The following CDHR2 variants were observed in gnomAD, a reference collection of about 807,000 sequenced individuals.
CDHR2 encodes the protein cadherin-related family member 2.
In CDHR2, 104 loss-of-function variants were observed where a neutral mutation model predicts 138.6. The ratio of observed to expected loss-of-function variants is 0.75; its 90% CI spans 0.64 to 0.88. The LOEUF (loss-of-function observed/expected upper bound fraction) is 0.88, where lower values mean the gene tolerates loss of function less well. CDHR2 is among the 40% of genes least tolerant of loss of function. The pLI, the probability that CDHR2 is intolerant of heterozygous loss-of-function variation, is 0.00. For missense variants in CDHR2, 1,624 were observed against 1,727.6 expected, an observed-to-expected ratio of 0.94 and a Z score of 1.06; for synonymous variants, 755 against 742.8, an observed-to-expected ratio of 1.02 and a Z score of -0.27.
intron 1 of CDHR2, among the ~76,000 whole-genome samples, chr5:176,549,895 AAG>A (rs1194080493): frequency 6.6e-6 from 1 of 152,162 alleles, no homozygotes; most frequent in Non-Finnish European, 1.5e-5. Context: ...GAGTTCCAGA[AAG>A]GGCCTGAAAA....
At chr5:176,571,465 C>A (rs113812214) in intron 6 of CDHR2, among the ~76,000 whole-genome samples, 163 bp downstream of exon 6, 1 of 151,328 alleles carries the variant, frequency 6.6e-6, no homozygotes, top group African/African-American at 2.4e-5. Flanking sequence ...ACCCCACAAA[C>A]TGGTTACAGC....
intron 3 of CDHR2, among the ~76,000 whole-genome samples, chr5:176,566,211 A>G (rs1758075603): frequency 6.6e-6 from 1 of 151,774 alleles, no homozygotes; most frequent in Non-Finnish European, 1.5e-5. Flanking sequence ...GGCAGGTGAG[A>G]TGGGTTTTGA....
In CDHR2 at chr5:176,576,649, C is replaced by T. The variant is rs1434910145; in HGVS notation, c.1194+464C>T. Among the ~76,000 whole-genome samples, 2 of 151,508 alleles carry T rather than the reference C, an allele frequency of 1.3e-5. No individual in the cohort carries two copies. Among genetic ancestry groups the T allele is most frequent in the Non-Finnish European group, 1.5e-5 (1 of 67,846 alleles). On this transcript the variant is annotated intron_variant, in intron 12 of 31. Coordinates refer to ENST00000261944, the MANE Select transcript of CDHR2 (RefSeq NM_017675.6). The surrounding 1 kb of genome is among the most constrained non-coding windows in gnomAD (Gnocchi z 4.5). The stretch of plus-strand genomic sequence containing the variant: ...TGGAGTGCAATGGCCCAATCTTGGC[C>T]CACTGCAACCTCTGCCTCCCAGGTG...
intron 1 of CDHR2, among the ~76,000 whole-genome samples, chr5:176,551,065 A>G (rs556822830): frequency 2.0e-5 from 3 of 152,250 alleles, no homozygotes; most frequent in East Asian, 3.9e-4. Context: ...GCTGGAGTGC[A>G]AGGCGCTATC....
At chr5:176,556,116 TG>T (rs1323157474) in intron 1 of CDHR2, among the ~76,000 whole-genome samples, 2 of 152,228 alleles carry the variant, frequency 1.3e-5, no homozygotes, top group African/African-American at 4.8e-5. Flanking sequence ...GGTTCTTCCC[TG>T]GCCCAGGCCA....
At position 176,578,054 on chromosome 5, in the gene CDHR2, C is replaced by A; in HGVS notation, c.1533C>A (p.Gly511=). ...CACAGGCCACGGACCCAGACACGGG[C>A]GCGTGGGGCCAAATTACCTACAGCC... The part of the protein sequence containing the change: ...DSIHATDPDT[G]AWGQITYSLL... The change falls in exon 15 of 32, where the codon GGC becomes GGA. Residue 511 remains glycine (G), a synonymous_variant. Transcript: ENST00000261944. 1 of 1,612,504 alleles carries A rather than the reference C, an allele frequency of 6.2e-7. No homozygotes were observed. Among genetic ancestry groups the A allele is most frequent in the Non-Finnish European group, 8.5e-7 (1 of 1,178,832 alleles).
chr5:176,558,087 T>C (rs1483599429), intron 1 of CDHR2, among the ~76,000 whole-genome samples: 1 of 152,050 alleles, frequency 6.6e-6, no homozygotes, highest in East Asian at 1.9e-4. Context: ...CATGGTAAGG[T>C]TGTAGTCCAT....
intron 28 of CDHR2, 105 bp downstream of exon 28, chr5:176,590,792 A>G (rs1758825990): frequency 5.5e-6 from 8 of 1,454,118 alleles, no homozygotes; most frequent in Non-Finnish European, 4.7e-6. Context: ...ACAGGTATAC[A>G]TGCATTCACT....
At chr5:176,570,216 G>A (rs866017635) in intron 5 of CDHR2, among the ~76,000 whole-genome samples, 4 of 152,176 alleles carry the variant, frequency 2.6e-5, no homozygotes, top group African/African-American at 7.2e-5. Flanking sequence ...TTTTTGTAAC[G>A]TCTATATCTA....
chr5:176,581,520 C>T lies in CDHR2; in HGVS notation c.1996C>T (p.Leu666Phe), dbSNP rs1758529949. 3.1e-6 allele frequency: 5 copies of T among 1,614,064 alleles called. No homozygotes were observed. Among genetic ancestry groups the T allele is most frequent in the African/African-American group, 1.3e-5 (1 of 74,954 alleles). ...ALEGRIVLTV[L>F]VSDCGEPVLG... Reference sequence around the variant, plus strand: ...GGAGGGCCGCATTGTGCTGACAGTGCTTGTGTCTGACTGCGGCGAGCCTGT... The same window carrying T: ...GGAGGGCCGCATTGTGCTGACAGTGTTTGTGTCTGACTGCGGCGAGCCTGT... Residue 666 changes from leucine (L) to phenylalanine (F), a missense_variant, in exon 17 of 32, where the codon CTT (leucine) becomes TTT (phenylalanine). Physicochemically the swap from Leu to Phe is conservative, Grantham distance 22 (BLOSUM62 0). Around this residue, in one of 3 missense-constraint regions of CDHR2, gnomAD observed 1,061 missense variants for 1,136.6 expected, o/e 0.93. Transcript: ENST00000261944.
Position 176,589,451 on chromosome 5 carries a change from C to T in CDHR2, c.3117+13C>T. 6.2e-7 allele frequency: 1 copy of T among 1,606,838 alleles called. No individual in the cohort carries two copies. Among genetic ancestry groups the T allele is most frequent in the Non-Finnish European group, 8.5e-7 (1 of 1,174,386 alleles). ...CACCACCCTGAATGTGAGTGCTGGT[C>T]CCACCTCCAGCCCCCAACGCCCTCT... On this transcript the variant is annotated intron_variant, in intron 23 of 31. Coordinates refer to ENST00000261944, the MANE Select transcript of CDHR2 (RefSeq NM_017675.6).
rs187220672 is a variant in CDHR2 at position 176,586,030 on chromosome 5, G to A, written c.2806+5G>A. On this transcript the variant is annotated splice_donor_5th_base_variant and intron_variant, in intron 20 of 31. Coordinates refer to ENST00000261944, the MANE Select transcript of CDHR2 (RefSeq NM_017675.6). ...TGCCTGAGAATAAGACTTTTGGTAA[G>A]CAGCAACCCCATTCACACACCATAC... The A allele has an allele frequency of 2.0e-4, 319 of 1,612,830 alleles. No individual in the cohort carries two copies. The highest frequency in any genetic ancestry group is 2.6e-4 in the Non-Finnish European group (301 of 1,178,882).
intron 1 of CDHR2, among the ~76,000 whole-genome samples, chr5:176,559,194 G>A (rs1262162136): frequency 1.3e-5 from 2 of 152,156 alleles, no homozygotes; most frequent in Non-Finnish European, 2.9e-5. Flanking sequence ...TTTCTGCCAC[G>A]TTCTGTTGAT....
At chr5:176,593,263 A>C (rs1581153706) in intron 31 of CDHR2, among the ~76,000 whole-genome samples, 2 of 152,338 alleles carry the variant, frequency 1.3e-5, no homozygotes, top group East Asian at 3.9e-4. Context: ...GGATGAGATC[A>C]AGTGTTCATA....
At chr5:176,567,292 C>T (rs1758107876) in intron 3 of CDHR2, among the ~76,000 whole-genome samples, 1 of 151,824 alleles carries the variant, frequency 6.6e-6, no homozygotes, top group East Asian at 1.9e-4. Flanking sequence ...CTCAGCCTCC[C>T]AGGTGGCTGG....
At chr5:176,585,477 G>A (rs1183683216) in intron 19 of CDHR2, among the ~76,000 whole-genome samples, 1 of 152,228 alleles carries the variant, frequency 6.6e-6, no homozygotes, top group Non-Finnish European at 1.5e-5. Context: ...AACCCATGGG[G>A]TAGGTGTTCC....
chr5:176,575,032 C>T lies in CDHR2; in HGVS notation c.496-52C>T, dbSNP rs899087887. 5 of 1,605,540 alleles carry T rather than the reference C, an allele frequency of 3.1e-6. No individual in the cohort carries two copies. The African/African-American group carries it at 5.3e-5, about 17-fold the overall frequency. Reference sequence around the variant, plus strand: ...TCCCTGCGTTGCTCAGAGTGGGGTCCTCGGTGCAGGGCTGTCCCTAGGGAG... The same window carrying T: ...TCCCTGCGTTGCTCAGAGTGGGGTCTTCGGTGCAGGGCTGTCCCTAGGGAG... On this transcript the variant is annotated intron_variant, in intron 7 of 31. Transcript: ENST00000261944.
intron 1 of CDHR2, among the ~76,000 whole-genome samples, chr5:176,561,041 G>A (rs775655605): frequency 3.3e-5 from 5 of 152,164 alleles, no homozygotes; most frequent in South Asian, 2.1e-4. Context: ...AGAGTTCTCC[G>A]GAAGAGAGGA....
At chr5:176,592,564 G>A (rs943072462) in intron 30 of CDHR2, among the ~76,000 whole-genome samples, 159 bp from the exon 31 acceptor site, 4 of 151,080 alleles carry the variant, frequency 2.6e-5, no homozygotes, top group African/African-American at 9.8e-5. Flanking sequence ...TGGTGCTGAT[G>A]GTAGTGATGA....
Sources: gnomAD v4.1 joint callset for allele counts (sites outside exome capture counted in the v4.1 genomes callset) on GRCh38, gnomAD v4.1.1 for gene constraint, gnomAD v4.1.1 regional missense constraint, Gnocchi (gnomAD v3.1) non-coding constraint, MANE v1.5 for transcripts, NCBI Gene and HGNC (gene_info 2026-07-23, HGNC 2026-07-21) for gene names.